The following ARHGEF38 variants were observed in gnomAD, a reference collection of about 807,000 sequenced individuals.
ARHGEF38 encodes Rho guanine nucleotide exchange factor (GEF) 38.
A neutral mutation model predicts 79.9 loss-of-function variants in ARHGEF38; 79 were observed. The ratio of observed to expected loss-of-function variants is 0.99; its 90% CI spans 0.82 to 1.19. The LOEUF is 1.19. ARHGEF38 is among the 50% of genes most tolerant of loss of function. The probability of loss-of-function intolerance (pLI) is 0.00; values close to 1 mark genes in which losing one functional copy is unlikely to be tolerated. For missense variants in ARHGEF38, 962 were observed against 907.2 expected, an observed-to-expected ratio of 1.06 and a Z score of -0.78; for synonymous variants, 366 against 328.3, an observed-to-expected ratio of 1.11 and a Z score of -1.24.
chr4:105,646,125 G>C (rs1358992481), intron 6 of ARHGEF38, among the ~76,000 whole-genome samples: 2 of 152,060 alleles, frequency 1.3e-5, no homozygotes, highest in African/African-American at 4.8e-5. Context: ...GCCACAGCAG[G>C]ACTTTAGAGC....
At chr4:105,560,454 A>G (rs1725461075) in intron 1 of ARHGEF38, among the ~76,000 whole-genome samples, 1 of 152,170 alleles carries the variant, frequency 6.6e-6, no homozygotes, top group African/African-American at 2.4e-5. Context: ...GAGAGGAGGG[A>G]ATACATTTGC....
chr4:105,599,483 C>T (rs1727731052), intron 2 of ARHGEF38, among the ~76,000 whole-genome samples: 1 of 152,118 alleles, frequency 6.6e-6, no homozygotes, highest in Admixed American at 6.6e-5. Flanking sequence ...GCAAGATGAT[C>T]TTGTGCTCAT....
intron 3 of ARHGEF38, among the ~76,000 whole-genome samples, chr4:105,620,403 T>C (rs966232298): frequency 3.3e-5 from 5 of 152,170 alleles, no homozygotes; most frequent in Non-Finnish European, 7.4e-5. Context: ...TCCCATATGG[T>C]TTTTATGAAG....
chr4:105,558,060 A>G (rs1288464496), intron 1 of ARHGEF38, among the ~76,000 whole-genome samples: 8 of 152,142 alleles, frequency 5.3e-5, no homozygotes, highest in East Asian at 3.8e-4. Flanking sequence ...AGGCTATTGT[A>G]TCATTCTAAT....
At chr4:105,671,738 G>A (rs745440554) in intron 13 of ARHGEF38, among the ~76,000 whole-genome samples, 27 of 152,064 alleles carry the variant, frequency 1.8e-4, no homozygotes, top group South Asian at 4.1e-4. Flanking sequence ...TCACATTTGC[G>A]GTATCCTACA....
At chr4:105,596,791 T>C (rs1727600561) in intron 2 of ARHGEF38, among the ~76,000 whole-genome samples, 1 of 152,332 alleles carries the variant, frequency 6.6e-6, no homozygotes, top group Non-Finnish European at 1.5e-5. Flanking sequence ...TCCGATGTTT[T>C]TAGCTGGTTG....
rs188687896 is a variant in ARHGEF38 at position 105,583,554 on chromosome 4, T to C, written c.197-5694T>C. Among the ~76,000 whole-genome samples the C allele has an allele frequency of 4.5e-3, 688 of 152,346 alleles. 3 individuals carry two copies. Among genetic ancestry groups the C allele is most frequent in the African/African-American group, 0.016 (673 of 41,570 alleles). On this transcript the variant is annotated intron_variant, in intron 1 of 13. Coordinates refer to ENST00000420470, the MANE Select transcript of ARHGEF38 (RefSeq NM_001242729.2). ...ACTCTATTTCAGGCCTTTCCTGCCA[T>C]CTTATTTAAAATTGCACACGTTTTA...
At position 105,645,378 on chromosome 4, in the gene ARHGEF38, A is replaced by T. The variant is rs1729796163; in HGVS notation, c.865A>T (p.Lys289Ter). The change falls in exon 6 of 14, where the codon AAA becomes TAA. Residue 289 changes from lysine (K) to a stop codon, truncating the protein, a stop_gained. Transcript: ENST00000420470. LOFTEE classifies it high-confidence loss of function. ...TAACATCAATGAACTTAAAAGAAGG[A>T]AAGATTTAGGTAGGAAGAGACATGA... is the stretch of plus-strand genomic sequence containing the variant. ...NVNINELKRRKDLVLKYKKND... is the reference protein window; with the variant it reads ...NVNINELKRR 6.6e-7 allele frequency: 1 copy of T among 1,524,916 alleles called. No homozygotes were observed. The highest frequency in any genetic ancestry group is 8.7e-7 in the Non-Finnish European group (1 of 1,143,018). The allele number at this position is 1,524,916 out of a possible 1,614,324, so 94.5% of individuals were successfully genotyped here. A position where few individuals can be genotyped will look rare whatever the true frequency, so the allele number is the denominator to read the frequency against.
At chr4:105,620,816 A>G (rs1728708439) in intron 3 of ARHGEF38, among the ~76,000 whole-genome samples, 1 of 144,520 alleles carries the variant, frequency 6.9e-6, no homozygotes, top group African/African-American at 2.7e-5. Context: ...CCTAGTTCAC[A>G]TTGTTATATG....
At chr4:105,558,668 G>A (rs1007480616) in intron 1 of ARHGEF38, among the ~76,000 whole-genome samples, 1 of 152,068 alleles carries the variant, frequency 6.6e-6, no homozygotes. Flanking sequence ...GACCATTTGT[G>A]TCAAATAATG....
intron 4 of ARHGEF38, among the ~76,000 whole-genome samples, chr4:105,634,566 G>A (rs966452502): frequency 7.2e-5 from 11 of 152,056 alleles, no homozygotes; most frequent in Admixed American, 2.0e-4. Context: ...AAGATAGCGT[G>A]GCTATAAATG....
intron 9 of ARHGEF38, among the ~76,000 whole-genome samples, chr4:105,657,352 A>C (rs1159166746): frequency 1.3e-5 from 2 of 152,220 alleles, no homozygotes; most frequent in African/African-American, 2.4e-5. Flanking sequence ...GGCTAAGTTA[A>C]AAAAATTGTG....
intron 6 of ARHGEF38, among the ~76,000 whole-genome samples, chr4:105,647,550 T>C (rs1176555577): frequency 6.6e-6 from 1 of 152,222 alleles, no homozygotes; most frequent in Admixed American, 6.5e-5. Context: ...GTATACTTGA[T>C]TATGGAAAGC....
intron 2 of ARHGEF38, among the ~76,000 whole-genome samples, chr4:105,601,479 G>C (rs546072885): frequency 6.6e-6 from 1 of 152,148 alleles, no homozygotes; most frequent in Non-Finnish European, 1.5e-5. Context: ...ACAGGGAAAT[G>C]AGACAGAGAA....
chr4:105,667,042 A>C (rs761454804), intron 11 of ARHGEF38, 87 bp from the exon 12 acceptor site: 117 of 1,185,282 alleles, frequency 9.9e-5, no homozygotes, highest in Non-Finnish European at 1.3e-4. Context: ...TACGTTTTAA[A>C]AATCTCCAGG....
chr4:105,633,919 T>C (rs1729296155), intron 4 of ARHGEF38, among the ~76,000 whole-genome samples: 1 of 152,124 alleles, frequency 6.6e-6, no homozygotes, highest in Non-Finnish European at 1.5e-5. Context: ...AGTAGAGATA[T>C]TACCTGGTTC....
downstream of ARHGEF38, among the ~76,000 whole-genome samples, chr4:105,681,997 A>G (rs1347820852): frequency 6.6e-6 from 1 of 152,180 alleles, no homozygotes; most frequent in Non-Finnish European, 1.5e-5. Context: ...ACTTATCAGG[A>G]ATGTGCATAA....
At chr4:105,623,386 A>G (rs1450170312) in intron 3 of ARHGEF38, among the ~76,000 whole-genome samples, 2 of 152,232 alleles carry the variant, frequency 1.3e-5, no homozygotes, top group South Asian at 2.1e-4. Context: ...TAGAGCAACT[A>G]GCTACAGCAG....
intron 10 of ARHGEF38, among the ~76,000 whole-genome samples, chr4:105,664,223 A>T (rs1386680958): frequency 1.3e-5 from 2 of 152,100 alleles, no homozygotes; most frequent in Non-Finnish European, 2.9e-5. Context: ...TCTATTTTTA[A>T]TTTTCATTTT....
Sources: gnomAD v4.1 joint callset for allele counts (sites outside exome capture counted in the v4.1 genomes callset) on GRCh38, gnomAD v4.1.1 for gene constraint, MANE v1.5 for transcripts, NCBI Gene and HGNC (gene_info 2026-07-23, HGNC 2026-07-21) for gene names.